The following C12orf42 variants were observed in gnomAD, a reference collection of about 807,000 sequenced individuals.
C12orf42 encodes chromosome 12 open reading frame 42.
C12orf42 carries 25 observed loss-of-function variants against 21.6 expected under a neutral mutation model. That is an observed-to-expected ratio of 1.16 (90% confidence interval 0.84 to 1.62). C12orf42 has a LOEUF of 1.62. Among genes scored for constraint, C12orf42 ranks in the 40% most tolerant of loss-of-function variants. C12orf42 has a pLI of 0.00. For synonymous variants in C12orf42, 174 were observed against 175.0 expected, an observed-to-expected ratio of 0.99 and a Z score of 0.05; for missense variants, 483 against 459.3, an observed-to-expected ratio of 1.05 and a Z score of -0.47.
At chr12:103,251,811 T>G (rs917468562) in intron 10 of C12orf42, among the ~76,000 whole-genome samples, 2 of 152,350 alleles carry the variant, frequency 1.3e-5, no homozygotes, top group Non-Finnish European at 2.9e-5. Context: ...CTGTATTCAC[T>G]GCACTAGATC....
intron 3 of C12orf42, among the ~76,000 whole-genome samples, chr12:103,389,709 A>G (rs1250321353): frequency 2.0e-5 from 3 of 152,170 alleles, no homozygotes; most frequent in Non-Finnish European, 1.5e-5. Context: ...CGTTCTACTC[A>G]GGGTAGAAGG....
intron 2 of C12orf42, among the ~76,000 whole-genome samples, chr12:103,451,760 T>C (rs555932423): frequency 6.6e-6 from 1 of 152,188 alleles, no homozygotes; most frequent in African/African-American, 2.4e-5. Context: ...GTTGCTTTAT[T>C]ACATAGCATA....
At chr12:103,158,753 G>A in the C12orf42 span, among the ~76,000 whole-genome samples, 22 of 151,810 alleles carry the variant, frequency 1.4e-4, no homozygotes, top group African/African-American at 4.1e-4. Context: ...GGTGGCAGGC[G>A]CCTGTAATCC....
intron 4 of C12orf42, among the ~76,000 whole-genome samples, chr12:103,325,251 C>G (rs2040567499): frequency 6.6e-6 from 1 of 152,204 alleles, no homozygotes; most frequent in African/African-American, 2.4e-5. Flanking sequence ...GAGAGAAGGA[C>G]TCTCTTTTTG....
intron 5 of C12orf42, among the ~76,000 whole-genome samples, chr12:103,274,425 A>T (rs2035643798): frequency 6.6e-6 from 1 of 152,162 alleles, no homozygotes; most frequent in South Asian, 2.1e-4. Flanking sequence ...TACTTAGTAT[A>T]GATGGAGCTC....
rs149389976 is a variant in C12orf42 at position 103,357,698 on chromosome 12, G to T, written c.259+11189C>A. 1.9e-3 allele frequency among the ~76,000 whole-genome samples: 284 copies of T among 152,126 alleles called. 1 individual carries two copies. The highest frequency in any genetic ancestry group is 6.7e-3 in the African/African-American group (277 of 41,512). ...CCAAAAACTCCAAGTTTCTTTTGTG[G>T]ATCAGTTTTAACCCCTTTCATTGGC... On this transcript the variant is annotated intron_variant, in intron 4 of 5. Coordinates refer to ENST00000548883, the MANE Select transcript of C12orf42 (RefSeq NM_198521.5).
chr12:103,512,103 T>G, the C12orf42 span, among the ~76,000 whole-genome samples: 5 of 152,344 alleles, frequency 3.3e-5, no homozygotes, highest in East Asian at 9.6e-4. Flanking sequence ...TGTCCTACTC[T>G]CCTGAGAAGT....
the C12orf42 span, among the ~76,000 whole-genome samples, chr12:103,078,238 T>A: frequency 6.6e-6 from 1 of 152,220 alleles, no homozygotes; most frequent in Non-Finnish European, 1.5e-5. Context: ...TAATAATTGA[T>A]AGGTTACTGC....
At chr12:103,277,120 G>A (rs1032507078) in intron 5 of C12orf42, 18 of 455,366 alleles carry the variant, frequency 4.0e-5, no homozygotes, top group East Asian at 7.0e-5. Flanking sequence ...AACAACTTAC[G>A]CTAGCAAAAT....
chr12:103,167,386 A>G, the C12orf42 span, among the ~76,000 whole-genome samples: 1 of 152,084 alleles, frequency 6.6e-6, no homozygotes, highest in Admixed American at 6.5e-5. Context: ...TGTCCCCCCA[A>G]ATTGAAGCTT....
the C12orf42 span, among the ~76,000 whole-genome samples, chr12:103,145,939 G>A: frequency 1.5e-4 from 21 of 141,494 alleles, no homozygotes; most frequent in African/African-American, 4.2e-4. Context: ...GTGAATTTTC[G>A]TATACATATA....
chr12:103,467,547 C>T (rs1184493105), intron 2 of C12orf42, among the ~76,000 whole-genome samples: 1 of 152,134 alleles, frequency 6.6e-6, no homozygotes, highest in Non-Finnish European at 1.5e-5. Context: ...GCCCTCAGGA[C>T]CCGCTGGAGG....
the C12orf42 span, among the ~76,000 whole-genome samples, chr12:103,216,366 CTTT>C: frequency 6.7e-6 from 1 of 150,060 alleles, no homozygotes; most frequent in Admixed American, 6.6e-5. Context: ...GAGAACAATA[CTTT>C]TTTTTCTTTT....
intron 1 of C12orf42, among the ~76,000 whole-genome samples, chr12:103,495,242 C>A (rs1474292673): frequency 1.2e-5 from 1 of 84,754 alleles, no homozygotes; most frequent in Non-Finnish European, 2.4e-5. Flanking sequence ...CTGGAGCGGG[C>A]GGGGAAGGTT....
chr12:103,392,844 C>A (rs2047187438), intron 3 of C12orf42, among the ~76,000 whole-genome samples: 1 of 152,146 alleles, frequency 6.6e-6, no homozygotes, highest in African/African-American at 2.4e-5. Context: ...CTCTTTCTGG[C>A]AGCTGTGCAG....
the C12orf42 span, chr12:103,559,841 T>A: frequency 6.6e-6 from 1 of 152,178 alleles, no homozygotes; most frequent in African/African-American, 2.4e-5. Flanking sequence ...GAATGAATGA[T>A]CCTCAGCTTT....
At chr12:103,388,276 T>C (rs1005549733) in intron 3 of C12orf42, among the ~76,000 whole-genome samples, 5 of 152,156 alleles carry the variant, frequency 3.3e-5, no homozygotes, top group African/African-American at 1.2e-4. Context: ...GTTTTCTCCA[T>C]AGCTGATGTA....
chr12:103,358,358 A>G (rs1412244223), intron 4 of C12orf42, among the ~76,000 whole-genome samples: 1 of 152,048 alleles, frequency 6.6e-6, no homozygotes, highest in Non-Finnish European at 1.5e-5. Context: ...GAATAGAGAG[A>G]TCCCAGGGAT....
chr12:103,111,678 T>C, the C12orf42 span, among the ~76,000 whole-genome samples: 10 of 152,300 alleles, frequency 6.6e-5, no homozygotes, highest in Admixed American at 5.2e-4. Flanking sequence ...ACAGCATTAG[T>C]AGCACTTTTG....
Sources: allele counts gnomAD v4.1 joint callset (sites outside exome capture counted in the v4.1 genomes callset), GRCh38; gene constraint gnomAD v4.1.1; transcripts MANE v1.5; gene names NCBI Gene and HGNC (gene_info 2026-07-23, HGNC 2026-07-21).